TTC27: variants seen among roughly 807,000 people sequenced by gnomAD.
TTC27 encodes the protein tetratricopeptide repeat domain 27.
A neutral mutation model predicts 115.9 loss-of-function variants in TTC27; 79 were observed. The ratio of observed to expected loss-of-function variants is 0.68; its 90% CI spans 0.57 to 0.82. The LOEUF (loss-of-function observed/expected upper bound fraction) is 0.82, where lower values mean the gene tolerates loss of function less well. Among genes scored for constraint, TTC27 ranks in the 40% least tolerant of loss-of-function variants. The pLI is 0.00. For missense variants in TTC27, 1,054 were observed against 993.1 expected (o/e 1.06, Z -0.82); for synonymous variants, 401 against 356.0 (o/e 1.13, Z -1.42).
chr2:32,638,325 T>C (rs886702674), intron 3 of TTC27, among the ~76,000 whole-genome samples: 1 of 152,188 alleles, frequency 6.6e-6, no homozygotes, highest in Non-Finnish European at 1.5e-5. Flanking sequence ...TGAATGATGA[T>C]GAAAATAGGA....
intron 10 of TTC27, among the ~76,000 whole-genome samples, chr2:32,724,725 G>C (rs1341166404): frequency 6.6e-6 from 1 of 152,148 alleles, no homozygotes; most frequent in Non-Finnish European, 1.5e-5. Flanking sequence ...TGATTATTCA[G>C]ACTTGGGTAT....
At chr2:32,632,287 G>T (rs1163470346) in intron 2 of TTC27, among the ~76,000 whole-genome samples, 3 of 151,622 alleles carry the variant, frequency 2.0e-5, no homozygotes, top group Non-Finnish European at 2.9e-5. Context: ...GGGATTATAG[G>T]CATGAGTCAC....
chr2:32,803,946 G>T (rs1671044861), intron 16 of TTC27, among the ~76,000 whole-genome samples: 1 of 151,498 alleles, frequency 6.6e-6, no homozygotes, highest in African/African-American at 2.4e-5. Context: ...ATTGGAGGTT[G>T]CAGTGAGCCG....
In TTC27 at chr2:32,663,620, G is replaced by T. The variant is rs1665637304; in HGVS notation, c.641-683G>T. Among the ~76,000 whole-genome samples the T allele has an allele frequency of 6.6e-5, 10 of 151,856 alleles. No homozygotes were observed. In the South Asian group the frequency reaches 2.1e-3, roughly 31 times the overall value. ...GGGAGCTGTTCCTATTGGCCATCTTGACAGCCACCCCCTATTTATGTATGT... is the reference window on the plus strand; with the variant it reads ...GGGAGCTGTTCCTATTGGCCATCTTTACAGCCACCCCCTATTTATGTATGT... On this transcript the variant is annotated intron_variant, in intron 5 of 19. Transcript: ENST00000317907.
At chr2:32,706,596 C>T (rs1667376710) in intron 10 of TTC27, among the ~76,000 whole-genome samples, 1 of 151,996 alleles carries the variant, frequency 6.6e-6, no homozygotes, top group Non-Finnish European at 1.5e-5. Flanking sequence ...CAGAGTGTTA[C>T]TCTTGTCGCC....
intron 7 of TTC27, among the ~76,000 whole-genome samples, chr2:32,670,857 G>A (rs1331896940): frequency 3.3e-5 from 5 of 152,094 alleles, no homozygotes; most frequent in Non-Finnish European, 5.9e-5. Context: ...GACCTCAAGT[G>A]ATCCACCCAC....
At chr2:32,684,222 A>G (rs1052780564) in intron 9 of TTC27, among the ~76,000 whole-genome samples, 20 of 152,008 alleles carry the variant, frequency 1.3e-4, no homozygotes, top group Admixed American at 3.3e-4. Context: ...ATGATTTCCA[A>G]TTTCATCCAT....
At chr2:32,693,081 T>C (rs1003434929) in intron 9 of TTC27, among the ~76,000 whole-genome samples, 3 of 152,208 alleles carry the variant, frequency 2.0e-5, no homozygotes, top group Non-Finnish European at 4.4e-5. Context: ...AAATTTCAAG[T>C]CTTTCCAAAT....
intron 18 of TTC27, among the ~76,000 whole-genome samples, chr2:32,814,180 A>G (rs1348339761): frequency 1.3e-5 from 2 of 152,214 alleles, no homozygotes; most frequent in Admixed American, 6.5e-5. Context: ...TTCTGAACTC[A>G]CCAAGTAATG....
At position 32,639,054 on chromosome 2, in the gene TTC27, G is replaced by C. The variant is rs186135007; in HGVS notation, c.397-1216G>C. Among the ~76,000 whole-genome samples, 731 of 151,926 alleles carry C rather than the reference G, an allele frequency of 4.8e-3. 5 individuals are homozygous for C. The highest frequency in any genetic ancestry group is 8.2e-3 in the Non-Finnish European group (557 of 67,970). ...TCACCGTGTTAGCCAGGATGGTCTT[G>C]ATCTCCTGACCTCGTGATCCGCCCG... On this transcript the variant is annotated intron_variant, in intron 3 of 19. Transcript: ENST00000317907.
At chr2:32,635,729 G>T (rs1187918871) in intron 3 of TTC27, among the ~76,000 whole-genome samples, 1 of 151,996 alleles carries the variant, frequency 6.6e-6, no homozygotes, top group Non-Finnish European at 1.5e-5. Flanking sequence ...AGTAAATGTG[G>T]AATAGAGTTA....
At chr2:32,799,079 C>G (rs1670829587) in intron 16 of TTC27, among the ~76,000 whole-genome samples, 1 of 152,088 alleles carries the variant, frequency 6.6e-6, no homozygotes, top group East Asian at 1.9e-4. Flanking sequence ...GTGACACATG[C>G]TACAAAATGG....
At chr2:32,732,299 G>A (rs1668317247) in intron 10 of TTC27, among the ~76,000 whole-genome samples, 1 of 152,216 alleles carries the variant, frequency 6.6e-6, no homozygotes, top group African/African-American at 2.4e-5. Flanking sequence ...TTTTGACCAA[G>A]ATGGTTTAGG....
In TTC27 at chr2:32,695,259, G is replaced by GTCAAACTTGTT. The variant is rs564568857; in HGVS notation, c.1120-7547_1120-7546insCAAACTTGTTT. ...AGCCCTATGAGTTTGACTACTCTAGGTACCTTGTTTAAGGGGAATCATAAA... is the reference window on the plus strand; with the variant it reads ...AGCCCTATGAGTTTGACTACTCTAGGTCAAACTTGTTTACCTTGTTTAAGGGGAATCATAAA... On this transcript the variant is annotated intron_variant, in intron 9 of 19. Coordinates refer to ENST00000317907, the MANE Select transcript of TTC27 (RefSeq NM_017735.5). Among the ~76,000 whole-genome samples, 31 of 152,026 alleles carry GTCAAACTTGTT rather than the reference G, an allele frequency of 2.0e-4. 1 individual carries two copies. The South Asian group carries it at 6.5e-3, about 32-fold the overall frequency.
At chr2:32,781,511 T>C (rs1391403970) in intron 14 of TTC27, among the ~76,000 whole-genome samples, 1 of 152,192 alleles carries the variant, frequency 6.6e-6, no homozygotes, top group East Asian at 1.9e-4. Context: ...TTAAGGAAGA[T>C]TGAGTTTTAT....
rs752406731 is a variant in TTC27 at position 32,702,850 on chromosome 2, C to T, written c.1163C>T (p.Ala388Val). ...AAGTTCTGGGCCATTCAGACATCAG[C>T]CTTGATCCTCCGGACAAAACTTGAG... Reference protein sequence around the residue: ...QPKFWAIQTSALILRTKLEKG... With the variant: ...QPKFWAIQTSVLILRTKLEKG... The change falls in exon 10 of 20, where the codon GCC (alanine) becomes GTC (valine). Residue 388 changes from alanine to valine, a missense_variant. By Grantham distance (64) the Ala-to-Val change is moderately conservative (BLOSUM62 0). Coordinates refer to ENST00000317907, the MANE Select transcript of TTC27 (RefSeq NM_017735.5). The T allele has an allele frequency of 1.3e-5, 21 of 1,613,980 alleles. No homozygotes were observed. The highest frequency in any genetic ancestry group is 3.3e-5 in the Admixed American group (2 of 59,992).
intron 8 of TTC27, among the ~76,000 whole-genome samples, chr2:32,676,197 T>C (rs1293910652): frequency 2.0e-5 from 3 of 151,942 alleles, no homozygotes; most frequent in Non-Finnish European, 4.4e-5. Context: ...TTGAGTTGGA[T>C]TTTTACCTGA....
At chr2:32,658,239 C>T (rs1056921267) in intron 5 of TTC27, among the ~76,000 whole-genome samples, 1 of 152,210 alleles carries the variant, frequency 6.6e-6, no homozygotes, top group African/African-American at 2.4e-5. Flanking sequence ...CCTCCCACTT[C>T]GTCCTCTCCA....
intron 16 of TTC27, among the ~76,000 whole-genome samples, chr2:32,797,823 C>A (rs1670763495): frequency 6.6e-6 from 1 of 151,972 alleles, no homozygotes; most frequent in South Asian, 2.1e-4. Context: ...AGTAAAAAGC[C>A]AACTCACAGA....
Sources: gnomAD v4.1 joint callset for allele counts (sites outside exome capture counted in the v4.1 genomes callset) on GRCh38, gnomAD v4.1.1 for gene constraint, MANE v1.5 for transcripts, NCBI Gene and HGNC (gene_info 2026-07-23, HGNC 2026-07-21) for gene names.